GRIN1: variants seen among roughly 807,000 people sequenced by gnomAD.
GRIN1 encodes the protein glutamate receptor ionotropic, NMDA 1.
GRIN1 carries 38 observed loss-of-function variants against 103.0 expected under a neutral mutation model. The observed-to-expected ratio is 0.37, with a 90% CI of 0.28 to 0.48. GRIN1 has a LOEUF of 0.48. GRIN1 is among the 20% of genes least tolerant of loss of function. The pLI, the probability that GRIN1 is intolerant of heterozygous loss-of-function variation, is 0.98. For synonymous variants in GRIN1, 544 were observed against 532.7 expected, an observed-to-expected ratio of 1.02 and a Z score of -0.29; for missense variants, 577 against 1,288.9, an observed-to-expected ratio of 0.45 and a Z score of 8.46.
chr9:137,161,531 T>C, intron 10 of GRIN1, 115 bp downstream of exon 10: 7 of 612,814 alleles, frequency 1.1e-5, no homozygotes, highest in Non-Finnish European at 1.6e-5. Context: ...CTGGGGTGAG[T>C]GGGGCATGGA....
In GRIN1 at chr9:137,146,055, G is replaced by A. The variant is rs552324968; in HGVS notation, c.570+153G>A. The stretch of plus-strand genomic sequence containing the variant: ...CGAGCGCCCGCCCCAGCCTGTCCTC[G>A]GCTCATTTCACTCGCTTTTGCCATT... On this transcript the variant is annotated intron_variant, in intron 3 of 19. Transcript: ENST00000371561. This position sits in a 1 kb window ranked among gnomAD's most constrained non-coding sequence, Gnocchi z 6.7. Among the ~76,000 whole-genome samples, 52 of 152,208 alleles carry A rather than the reference G, an allele frequency of 3.4e-4. No homozygotes were observed. Among genetic ancestry groups the A allele is most frequent in the Non-Finnish European group, 5.9e-4 (40 of 67,982 alleles).
At position 137,153,568 on chromosome 9, in the gene GRIN1, C is replaced by T. The variant is rs889071258; in HGVS notation, c.672-3101C>T. Among the ~76,000 whole-genome samples the T allele has an allele frequency of 2.0e-5, 3 of 152,282 alleles. No homozygotes were observed. In the Middle Eastern group the frequency reaches 0.01, roughly 518 times the overall value. On this transcript the variant is annotated intron_variant, in intron 4 of 19. Transcript: ENST00000371561. ...ACATGCACCATGCATACACCATACA[C>T]ACGTGCATCTACACATACAGATACA... is the stretch of plus-strand genomic sequence containing the variant.
At chr9:137,152,911 T>TATGCAC (rs1832985595) in intron 4 of GRIN1, among the ~76,000 whole-genome samples, 1 of 151,212 alleles carries the variant, frequency 6.6e-6, no homozygotes, top group South Asian at 2.1e-4. Context: ...CACACGCATG[T>TATGCAC]ATGCACATGC....
In GRIN1 at chr9:137,154,558, A is replaced by G. The variant is rs1410964795; in HGVS notation, c.672-2111A>G. On this transcript the variant is annotated intron_variant, in intron 4 of 19. Transcript: ENST00000371561. The stretch of plus-strand genomic sequence containing the variant: ...AACCTCCGCCTCCCAGATTCAACCG[A>G]TTCTCCTGCCACGGCCTCCCGAGTA... 6.4e-5 allele frequency among the ~76,000 whole-genome samples: 9 copies of G among 141,482 alleles called. No individual in the cohort carries two copies. The East Asian group carries it at 1.3e-3, about 20-fold the overall frequency. 92.8% of individuals were successfully genotyped at this position (141,482 alleles called of 152,430 possible). A position where few individuals can be genotyped will look rare whatever the true frequency, so the allele number is the denominator to read the frequency against.
At chr9:137,150,444 T>TAAAAGCCCGCCCAGG (rs1832779630) in intron 4 of GRIN1, among the ~76,000 whole-genome samples, 1 of 91,884 alleles carries the variant, frequency 1.1e-5, no homozygotes, top group African/African-American at 4.4e-5. Flanking sequence ...TCCACCCAGA[T>TAAAAGCCCGCCCAGG]AAAAGCCCGC....
chr9:137,161,285 C>A lies in GRIN1; in HGVS notation c.1340-4C>A, dbSNP rs1833527641. On this transcript the variant is annotated splice_region_variant and splice_polypyrimidine_tract_variant and intron_variant, in intron 9 of 19. Transcript: ENST00000371561. ...CCCAGCAGTTACCGCCCGCACCTAC[C>A]CAGCCCGCCACACGGTGCCTCAGTG... 4 of 1,612,210 alleles carry A rather than the reference C, an allele frequency of 2.5e-6. No homozygotes were observed. Among genetic ancestry groups the A allele is most frequent in the Non-Finnish European group, 1.7e-6 (2 of 1,179,560 alleles).
At position 137,163,865 on chromosome 9, in the gene GRIN1, G is replaced by A. The variant is rs202161470; in HGVS notation, c.2550G>A (p.Leu850=). The A allele has an allele frequency of 3.1e-6, 5 of 1,612,780 alleles. No homozygotes were observed. The highest frequency in any genetic ancestry group is 1.1e-5 in the South Asian group (1 of 91,088). ...HKDARRKQMQ[L]AFAAVNVWRK... is the part of the protein sequence containing the mutation. ...ATGCTCGCCGGAAGCAGATGCAGCTGGCCTTTGCCGCCGTTAACGTGTGGC... is the reference window on the plus strand; with the variant it reads ...ATGCTCGCCGGAAGCAGATGCAGCTAGCCTTTGCCGCCGTTAACGTGTGGC... The change falls in exon 18 of 20, where the codon CTG becomes CTA. Residue 850 remains leucine, a synonymous_variant. Coordinates refer to ENST00000371561, the MANE Select transcript of GRIN1 (RefSeq NM_007327.4).
At position 137,149,232 on chromosome 9, in the gene GRIN1, C is replaced by T. The variant is rs1832707487; in HGVS notation, c.671+123C>T. Reference sequence around the variant, plus strand: ...ACCTTCAGCTTCCAAAGCACCTTCACCAAGGACAGCCACCCCCACCCCCAC... The same window carrying T: ...ACCTTCAGCTTCCAAAGCACCTTCATCAAGGACAGCCACCCCCACCCCCAC... On this transcript the variant is annotated intron_variant, in intron 4 of 19. Transcript: ENST00000371561. The T allele has an allele frequency of 4.1e-6, 3 of 733,194 alleles. No individual in the cohort carries two copies. The Admixed American group carries it at 6.0e-5, about 15-fold the overall frequency. 45.4% of individuals were successfully genotyped at this position (733,194 alleles called of 1,614,324 possible).
At chr9:137,145,644 G>C in intron 2 of GRIN1, 82 bp from the exon 3 acceptor site, 2 of 1,187,002 alleles carry the variant, frequency 1.7e-6, no homozygotes, top group Non-Finnish European at 1.2e-6. Context: ...AGCCTCCGGC[G>C]GGTGTTCCGG....
intron 19 of GRIN1, among the ~76,000 whole-genome samples, chr9:137,165,796 G>A (rs1040637910): frequency 6.6e-6 from 1 of 152,130 alleles, no homozygotes; most frequent in African/African-American, 2.4e-5. Context: ...CATCCCGTCC[G>A]TCTGTCTGGC....
intron 2 of GRIN1, among the ~76,000 whole-genome samples, chr9:137,144,455 C>T (rs1832357522): frequency 6.6e-6 from 1 of 151,524 alleles, no homozygotes; most frequent in Non-Finnish European, 1.5e-5. Context: ...GAGATCGAGA[C>T]CATCCTGGCT....
intron 2 of GRIN1, among the ~76,000 whole-genome samples, chr9:137,143,398 A>G (rs1047656975): frequency 2.0e-5 from 3 of 152,236 alleles, no homozygotes; most frequent in Non-Finnish European, 2.9e-5. Flanking sequence ...ACCTCTGGCC[A>G]TGGGAAGGTG....
intron 2 of GRIN1, among the ~76,000 whole-genome samples, chr9:137,144,425 C>T (rs922550042): frequency 4.2e-4 from 63 of 151,426 alleles, no homozygotes; most frequent in African/African-American, 6.5e-4. Context: ...GAGGCCGAGG[C>T]GGGCGGATCA....
chr9:137,165,243 A>C lies in GRIN1; in HGVS notation c.2647A>C (p.Ile883Leu). Reference sequence around the variant, plus strand: ...TAAAAAGAAAGCCACATTTAGGGCTATCACCTCCACCCTGGCTTCCAGCTT... The same window carrying C: ...TAAAAAGAAAGCCACATTTAGGGCTCTCACCTCCACCCTGGCTTCCAGCTT... ...DPKKKATFRA[I>L]TSTLASSFKR... The change falls in exon 19 of 20, where the codon ATC becomes CTC. Residue 883 changes from isoleucine to leucine, a missense_variant. By Grantham distance (5) the Ile-to-Leu change is conservative (BLOSUM62 2). Transcript: ENST00000371561. The C allele has an allele frequency of 6.2e-7, 1 of 1,612,822 alleles. No homozygotes were observed. Among genetic ancestry groups the C allele is most frequent in the Non-Finnish European group, 8.5e-7 (1 of 1,179,662 alleles).
At chr9:137,148,260 GGCCTCGGC>G in intron 3 of GRIN1, 1 of 1,357,604 alleles carries the variant, frequency 7.4e-7, no homozygotes, top group Non-Finnish European at 1.0e-6. Context: ...AGGGAGCCCT[GGCCTCGGC>G]GCCTCGGCCA....
rs771935412 is a variant in GRIN1 at position 137,156,809 on chromosome 9, C to CG, written c.793+23dup. On this transcript the variant is annotated intron_variant, in intron 5 of 19. Transcript: ENST00000371561. ...CCAGACGGTGAGTGCTGGGCCTTGG[C>CG]GGGGTCCCCGAACGGGGAGGACCCC... 2.2e-5 allele frequency: 35 copies of CG among 1,599,002 alleles called. No homozygotes were observed. Among genetic ancestry groups the CG allele is most frequent in the Non-Finnish European group, 2.8e-5 (33 of 1,173,522 alleles).
At chr9:137,158,741 C>T (rs1261442073) in intron 8 of GRIN1, 37 bp downstream of exon 8, 1 of 1,438,066 alleles carries the variant, frequency 7.0e-7, no homozygotes, top group Non-Finnish European at 9.8e-7. Context: ...TGTCCCCACC[C>T]CAGACAGCCC....
At chr9:137,164,506 T>C in intron 18 of GRIN1, 1 of 172,714 alleles carries the variant, frequency 5.8e-6, no homozygotes, top group South Asian at 1.4e-4. Context: ...GTTCACTCCG[T>C]CTCTTCTCTT....
chr9:137,160,994 AG>A, intron 8 of GRIN1, 61 bp from the exon 9 acceptor site: 1 of 1,608,392 alleles, frequency 6.2e-7, no homozygotes, highest in Non-Finnish European at 8.5e-7. Flanking sequence ...AGCTGAGAAG[AG>A]ACTGCCGCCC....
Sources: allele counts gnomAD v4.1 joint callset (sites outside exome capture counted in the v4.1 genomes callset), GRCh38; gene constraint gnomAD v4.1.1; non-coding constraint Gnocchi (gnomAD v3.1); transcripts MANE v1.5; gene names NCBI Gene and HGNC (gene_info 2026-07-23, HGNC 2026-07-21).